Variants in PDE10A observed in about 807,000 individuals in gnomAD.
The protein encoded by PDE10A is phosphodiesterase 10A.
PDE10A carries 39 observed loss-of-function variants against 97.7 expected under a neutral mutation model. The observed-to-expected ratio is 0.40, with a 90% CI of 0.31 to 0.52. The LOEUF is 0.52. PDE10A is among the 20% of genes least tolerant of loss of function. The pLI is 0.56. For missense variants in PDE10A, 731 were observed against 1,047.8 expected (o/e 0.70, Z 4.17); for synonymous variants, 371 against 376.8 (o/e 0.98, Z 0.18).
intron 18 of PDE10A, among the ~76,000 whole-genome samples, chr6:165,374,420 A>G (rs1362756658): frequency 2.0e-5 from 3 of 151,996 alleles, no homozygotes; most frequent in Non-Finnish European, 4.4e-5. Context: ...TATATAACAG[A>G]AAATTTTAAT....
intron 5 of PDE10A, among the ~76,000 whole-genome samples, chr6:165,447,640 A>T (rs1308475061): frequency 6.6e-6 from 1 of 152,242 alleles, no homozygotes; most frequent in Admixed American, 6.5e-5. Flanking sequence ...TTTTTAATGC[A>T]CCGAAAAGAA....
At chr6:165,584,966 TTA>T (rs1384154840) in intron 1 of PDE10A, among the ~76,000 whole-genome samples, 1 of 152,194 alleles carries the variant, frequency 6.6e-6, no homozygotes, top group African/African-American at 2.4e-5. Context: ...GCTTCAATGT[TTA>T]TGAGTATTTC....
chr6:165,641,433 C>T (rs189764164), intron 1 of PDE10A, among the ~76,000 whole-genome samples: 1 of 152,242 alleles, frequency 6.6e-6, no homozygotes, highest in Non-Finnish European at 1.5e-5. Context: ...GAGAAGGCAT[C>T]ACACATGTTT....
At chr6:165,639,687 C>T (rs908911915) in intron 1 of PDE10A, among the ~76,000 whole-genome samples, 2 of 144,908 alleles carry the variant, frequency 1.4e-5, no homozygotes, top group Non-Finnish European at 3.0e-5. Flanking sequence ...TACAAGGAGC[C>T]GAGGTTGCAC....
At chr6:165,341,097 T>C (rs1315472539) in intron 19 of PDE10A, among the ~76,000 whole-genome samples, 2 of 152,220 alleles carry the variant, frequency 1.3e-5, no homozygotes, top group Non-Finnish European at 2.9e-5. Flanking sequence ...GAGTTGGTGA[T>C]GACCTGAAGA....
At chr6:165,540,458 C>G (rs997317102) in intron 2 of PDE10A, among the ~76,000 whole-genome samples, 1 of 151,918 alleles carries the variant, frequency 6.6e-6, no homozygotes, top group African/African-American at 2.4e-5. Flanking sequence ...TTTAGATAGG[C>G]TTGTCTCATT....
At chr6:165,395,733 G>C (rs1236822244) in intron 14 of PDE10A, among the ~76,000 whole-genome samples, 1 of 152,002 alleles carries the variant, frequency 6.6e-6, no homozygotes, top group Non-Finnish European at 1.5e-5. Context: ...CATTAGACTT[G>C]AATAAACAGT....
chr6:165,436,757 G>T (rs1790047368), intron 5 of PDE10A, among the ~76,000 whole-genome samples: 1 of 152,012 alleles, frequency 6.6e-6, no homozygotes. Context: ...TTAAAAGGCT[G>T]GAAAAACCAT....
intron 1 of PDE10A, among the ~76,000 whole-genome samples, chr6:165,556,414 C>T (rs189811924): frequency 6.6e-6 from 1 of 152,360 alleles, no homozygotes; most frequent in East Asian, 1.9e-4. Flanking sequence ...GCCTTGAAGA[C>T]AGCTGTGATG....
intron 1 of PDE10A, among the ~76,000 whole-genome samples, chr6:165,704,239 C>T (rs1034548701): frequency 2.6e-5 from 4 of 152,148 alleles, no homozygotes; most frequent in Admixed American, 2.0e-4. Context: ...ACAATGGCAG[C>T]AGCTCTGGAG....
intron 18 of PDE10A, among the ~76,000 whole-genome samples, chr6:165,353,692 G>A (rs1436762468): frequency 6.6e-6 from 1 of 152,162 alleles, no homozygotes; most frequent in Non-Finnish European, 1.5e-5. Flanking sequence ...ATGGTATGAG[G>A]ACTGTAAAAG....
rs909693900 is a variant in PDE10A, at chr6:165,939,259, G to T, written c.-615+48270C>A. On this transcript the variant is annotated intron_variant, in intron 1 of 19. Transcript: ENST00000366882. ...TTCTTGCGTTCAGATAGCAAGTGCA[G>T]ATGGTGAAATTGTATAGGGCGAGGG... 6.6e-5 allele frequency among the ~76,000 whole-genome samples: 10 copies of T among 152,336 alleles called. No homozygotes were observed. In the South Asian group the frequency reaches 2.1e-3, roughly 32 times the overall value.
At chr6:165,477,117 G>A (rs73035765) in intron 3 of PDE10A, among the ~76,000 whole-genome samples, 12,656 of 152,140 alleles carry the variant, frequency 0.083, 662 homozygotes, top group East Asian at 0.25. Context: ...CATCATCTCC[G>A]ACCAAGGCTC....
chr6:165,333,517 C>T (rs1292999109), intron 21 of PDE10A, among the ~76,000 whole-genome samples: 1 of 152,292 alleles, frequency 6.6e-6, no homozygotes, highest in South Asian at 2.1e-4. Context: ...GGTGACAACA[C>T]GGACCTTCCT....
At chr6:165,506,938 A>G (rs1295205310) in intron 2 of PDE10A, among the ~76,000 whole-genome samples, 1 of 152,068 alleles carries the variant, frequency 6.6e-6, no homozygotes, top group Non-Finnish European at 1.5e-5. Flanking sequence ...TTTTTCTTCT[A>G]ATCAGTAATC....
Position 165,698,031 on chromosome 6 carries a change from G to T in PDE10A, c.-614-154463C>A, listed in dbSNP as rs114765231. 8.5e-3 allele frequency among the ~76,000 whole-genome samples: 1,300 copies of T among 152,216 alleles called. 24 individuals are homozygous for T. The highest frequency in any genetic ancestry group is 0.03 in the African/African-American group (1,233 of 41,508). ...CCTCAGAATGTTATTTTATTCCTCA[G>T]GCTTTGGATTTATGAAATCAATACC... is the stretch of plus-strand genomic sequence containing the variant. On this transcript the variant is annotated intron_variant, in intron 1 of 19. Transcript: ENST00000366882.
chr6:165,643,385 C>T (rs1266879021), intron 1 of PDE10A, among the ~76,000 whole-genome samples: 2 of 152,128 alleles, frequency 1.3e-5, no homozygotes, highest in East Asian at 3.9e-4. Context: ...CTCCCACATT[C>T]ACAGATGCTC....
chr6:165,410,592 T>C (rs1344689607), intron 13 of PDE10A, among the ~76,000 whole-genome samples: 1 of 152,120 alleles, frequency 6.6e-6, no homozygotes, highest in Non-Finnish European at 1.5e-5. Context: ...AACTCTCTTC[T>C]AAAGAAGTCA....
At chr6:165,806,125 C>T (rs1393704964) in intron 1 of PDE10A, among the ~76,000 whole-genome samples, 10 of 147,594 alleles carry the variant, frequency 6.8e-5, no homozygotes, top group African/African-American at 9.9e-5. Context: ...CTATACATTC[C>T]GGGCCAGAGG....
Sources: gnomAD v4.1 joint callset for allele counts (sites outside exome capture counted in the v4.1 genomes callset) on GRCh38, gnomAD v4.1.1 for gene constraint, MANE v1.5 for transcripts, NCBI Gene and HGNC (gene_info 2026-07-23, HGNC 2026-07-21) for gene names.